The following LAMA2 variants were observed in gnomAD, a reference collection of about 807,000 sequenced individuals.
The protein encoded by LAMA2 is laminin subunit alpha 2.
LAMA2 carries 269 observed loss-of-function variants against 364.8 expected under a neutral mutation model. That is an observed-to-expected ratio of 0.74 (90% CI 0.67 to 0.82). LAMA2 has a LOEUF of 0.82. Ranked by LOEUF, LAMA2 falls within the 40% of genes least tolerant of loss-of-function variation. LAMA2 has a pLI of 0.00. For missense variants in LAMA2, 3,807 were observed against 3,873.2 expected, an observed-to-expected ratio of 0.98 and a Z score of 0.45; for synonymous variants, 1,379 against 1,370.6, an observed-to-expected ratio of 1.01 and a Z score of -0.14.
At chr6:129,277,806 C>T (rs891508510) in intron 17 of LAMA2, among the ~76,000 whole-genome samples, 7 of 151,986 alleles carry the variant, frequency 4.6e-5, no homozygotes, top group South Asian at 2.1e-4. Flanking sequence ...ATTTTTTTCT[C>T]GAAAAAGTGT....
At chr6:128,957,836 A>ATTTTTTTTTTTT (rs10652900) in intron 1 of LAMA2, among the ~76,000 whole-genome samples, 1 of 51,264 alleles carries the variant, frequency 2.0e-5, no homozygotes, top group Non-Finnish European at 3.4e-5. Context: ...TACTTCATGC[A>ATTTTTTTTTTTT]TTTTTTTTTT....
intron 1 of LAMA2, among the ~76,000 whole-genome samples, chr6:128,957,604 G>T (rs146578222): frequency 1.3e-5 from 2 of 152,026 alleles, no homozygotes; most frequent in African/African-American, 2.4e-5. Flanking sequence ...CTTTTTTTAG[G>T]GGGGGAAGGG....
intron 5 of LAMA2, among the ~76,000 whole-genome samples, chr6:129,146,324 T>C (rs1238247812): frequency 1.3e-5 from 2 of 152,010 alleles, no homozygotes; most frequent in Admixed American, 6.6e-5. Context: ...AAAAAATAGC[T>C]GGGTAGATTA....
chr6:129,158,761 C>A, intron 8 of LAMA2: 1 of 1,614,174 alleles, frequency 6.2e-7, no homozygotes, highest in Non-Finnish European at 8.5e-7. Context: ...ATTCTATTGT[C>A]CGGCGTAGCT....
At chr6:129,238,576 TGAGAGAGA>T (rs1554254279) in intron 12 of LAMA2, among the ~76,000 whole-genome samples, 24 of 64,764 alleles carry the variant, frequency 3.7e-4, no homozygotes, top group African/African-American at 6.0e-4. Flanking sequence ...TGTGTGTGTG[TGAGAGAGA>T]GAGAGAGAGA....
chr6:129,417,006 T>C (rs751262420), intron 40 of LAMA2, among the ~76,000 whole-genome samples: 1 of 152,130 alleles, frequency 6.6e-6, no homozygotes, highest in Non-Finnish European at 1.5e-5. Flanking sequence ...CCACAGAGTC[T>C]GAAAGAGGGT....
At chr6:129,214,962 T>C (rs1466008891) in intron 12 of LAMA2, among the ~76,000 whole-genome samples, 1 of 152,216 alleles carries the variant, frequency 6.6e-6, no homozygotes, top group African/African-American at 2.4e-5. Flanking sequence ...TGGAGTTTTA[T>C]AGTTTTCCTC....
At chr6:129,011,392 C>A (rs1409996614) in intron 1 of LAMA2, among the ~76,000 whole-genome samples, 1 of 152,198 alleles carries the variant, frequency 6.6e-6, no homozygotes, top group Non-Finnish European at 1.5e-5. Context: ...AAATGCTACA[C>A]AAGCTCCTTA....
chr6:128,905,896 A>G (rs1325829956), intron 1 of LAMA2, among the ~76,000 whole-genome samples: 3 of 149,202 alleles, frequency 2.0e-5, no homozygotes, highest in African/African-American at 7.4e-5. Flanking sequence ...TTGGTTTTTT[A>G]TTCTTGTGAT....
intron 11 of LAMA2, among the ~76,000 whole-genome samples, chr6:129,191,842 C>G (rs1781538035): frequency 6.6e-6 from 1 of 152,228 alleles, no homozygotes; most frequent in Non-Finnish European, 1.5e-5. Flanking sequence ...TAGTAGGTTC[C>G]TGGTAGCTGG....
At chr6:129,480,459 T>TAA (rs1784290851) in intron 54 of LAMA2, among the ~76,000 whole-genome samples, 1 of 151,948 alleles carries the variant, frequency 6.6e-6, no homozygotes, top group Non-Finnish European at 1.5e-5. Context: ...TCCACATATG[T>TAA]AAGAAAAAAA....
chr6:129,278,234 T>A (rs1282827777), intron 17 of LAMA2, among the ~76,000 whole-genome samples: 1 of 152,166 alleles, frequency 6.6e-6, no homozygotes, highest in African/African-American at 2.4e-5. Context: ...TTTAAAAATG[T>A]CAGAAGCCTT....
In LAMA2 at chr6:128,988,058, G is replaced by T. The variant is rs1443644729; in HGVS notation, c.113-61860G>T. Among the ~76,000 whole-genome samples the T allele has an allele frequency of 2.6e-5, 4 of 152,052 alleles. No individual in the cohort carries two copies. In the East Asian group the frequency reaches 5.8e-4, roughly 22 times the overall value. ...TTTTTGTATTTTTAGTAGAGACGGG[G>T]TTTCACCATGTTGGCCAGGCTGGTC... On this transcript the variant is annotated intron_variant, in intron 1 of 64. Coordinates refer to ENST00000421865, the MANE Select transcript of LAMA2 (RefSeq NM_000426.4).
chr6:129,069,417 A>G (rs899551073), intron 3 of LAMA2, among the ~76,000 whole-genome samples: 1 of 148,248 alleles, frequency 6.7e-6, no homozygotes, highest in African/African-American at 2.4e-5. Flanking sequence ...ATATACAATT[A>G]TATTATTTAT....
intron 2 of LAMA2, among the ~76,000 whole-genome samples, chr6:129,053,604 A>ATTTT (rs1788249876): frequency 6.6e-6 from 1 of 152,188 alleles, no homozygotes; most frequent in South Asian, 2.1e-4. Flanking sequence ...GTATGTGATG[A>ATTTT]AGGAAAGAAT....
intron 1 of LAMA2, among the ~76,000 whole-genome samples, chr6:128,914,939 AT>A (rs1778217819): frequency 6.6e-6 from 1 of 152,148 alleles, no homozygotes; most frequent in Non-Finnish European, 1.5e-5. Context: ...AATAGCAAAA[AT>A]ATTACTTCTT....
At position 129,480,870 on chromosome 6, in the gene LAMA2, G is replaced by T. The variant is rs755536088; in HGVS notation, c.7573-393G>T. ...GATAGAGTTTATTCAAGAGATATTC[G>T]TTACAGTGTTTTCAAAGGAAACTTA... On this transcript the variant is annotated intron_variant, in intron 54 of 64. Transcript: ENST00000421865. 4.6e-5 allele frequency among the ~76,000 whole-genome samples: 7 copies of T among 152,008 alleles called. 1 individual carries two copies. The highest frequency in any genetic ancestry group is 4.6e-4 in the Admixed American group (7 of 15,248).
At chr6:129,158,547 T>G in intron 8 of LAMA2, 15 of 1,614,082 alleles carry the variant, frequency 9.3e-6, no homozygotes, top group Non-Finnish European at 1.3e-5. Context: ...CTGTTCCAAA[T>G]CACGATTGTA....
chr6:129,512,364 T>C lies in LAMA2; in HGVS notation c.8859T>C (p.Val2953=), dbSNP rs2114930475. 4 of 1,613,470 alleles carry C rather than the reference T, an allele frequency of 2.5e-6. No individual in the cohort carries two copies. The highest frequency in any genetic ancestry group is 3.4e-6 in the Non-Finnish European group (4 of 1,179,462). ...YFDGTGFAKA[V]GGFKVGLDLL... ...TATTTTAAAATCTTCATTTTACAGT[T>C]GGTGGATTCAAAGTGGGATTGGACC... Residue 2953 remains valine (V), a splice_region_variant and synonymous_variant, in exon 63 of 65, where the codon GTT becomes GTC. Coordinates refer to ENST00000421865, the MANE Select transcript of LAMA2 (RefSeq NM_000426.4).
Sources: gnomAD v4.1 joint callset for allele counts (sites outside exome capture counted in the v4.1 genomes callset) on GRCh38, gnomAD v4.1.1 for gene constraint, MANE v1.5 for transcripts, NCBI Gene and HGNC (gene_info 2026-07-23, HGNC 2026-07-21) for gene names.